The following DTWD2 variants were observed in gnomAD, a reference collection of about 807,000 sequenced individuals.
DTWD2 encodes DTW motif tRNA-uridine aminocarboxypropyltransferase 2.
Under a neutral mutation model 31.8 loss-of-function variants are expected in DTWD2, and 39 were observed. The observed-to-expected ratio is 1.22, with a 90% CI of 0.95 to 1.60. DTWD2 has a LOEUF of 1.60. Among genes scored for constraint, DTWD2 ranks in the 40% most tolerant of loss-of-function variants. DTWD2 has a pLI of 0.00. For missense variants in DTWD2, 515 were observed against 381.5 expected, an observed-to-expected ratio of 1.35 and a Z score of -2.92; for synonymous variants, 180 against 142.8, an observed-to-expected ratio of 1.26 and a Z score of -1.86.
At chr5:118,851,634 G>A (rs934694020) in intron 4 of DTWD2, among the ~76,000 whole-genome samples, 8 of 137,302 alleles carry the variant, frequency 5.8e-5, no homozygotes, top group Admixed American at 1.7e-4. Context: ...AACAGCGTTC[G>A]ACAATGAGAA....
chr5:118,865,567 G>C (rs1291917725), intron 4 of DTWD2, among the ~76,000 whole-genome samples: 1 of 152,096 alleles, frequency 6.6e-6, no homozygotes, highest in Non-Finnish European at 1.5e-5. Context: ...AACTTCCTTT[G>C]AAGTTAATGT....
chr5:118,955,603 T>C (rs1007286186), intron 1 of DTWD2, among the ~76,000 whole-genome samples: 1 of 152,206 alleles, frequency 6.6e-6, no homozygotes, highest in African/African-American at 2.4e-5. Context: ...CCTACCCTCA[T>C]GGAGCTTATT....
At chr5:118,863,359 C>A (rs1752310707) in intron 4 of DTWD2, among the ~76,000 whole-genome samples, 1 of 152,148 alleles carries the variant, frequency 6.6e-6, no homozygotes, top group African/African-American at 2.4e-5. Flanking sequence ...TGCATTCTAT[C>A]TTAAATTAAT....
Position 118,939,309 on chromosome 5 carries a change from T to A in DTWD2, c.310-19A>T. On this transcript the variant is annotated intron_variant, in intron 2 of 5. Transcript: ENST00000510708. ...TGTTTTCCTTTAATTAAAAAATGAA[T>A]TGAAACATAGATTTTTACTTAGATA... 1.3e-6 allele frequency: 2 copies of A among 1,543,844 alleles called. No homozygotes were observed. Among genetic ancestry groups the A allele is most frequent in the Non-Finnish European group, 1.7e-6 (2 of 1,144,136 alleles).
intron 4 of DTWD2, among the ~76,000 whole-genome samples, chr5:118,852,732 ATC>A (rs1752039794): frequency 2.1e-5 from 3 of 140,084 alleles, no homozygotes; most frequent in Non-Finnish European, 3.2e-5. Context: ...ATATATATAT[ATC>A]TAAAGGAATA....
At chr5:118,972,029 C>G (rs915350173) in intron 1 of DTWD2, among the ~76,000 whole-genome samples, 1 of 152,052 alleles carries the variant, frequency 6.6e-6, no homozygotes, top group Non-Finnish European at 1.5e-5. Flanking sequence ...AGTAAGATCT[C>G]AAATCAACAA....
At chr5:118,898,496 GAA>G (rs770013888) in intron 4 of DTWD2, among the ~76,000 whole-genome samples, 2 of 141,452 alleles carry the variant, frequency 1.4e-5, no homozygotes, top group African/African-American at 2.6e-5. Flanking sequence ...CGTCGCTACT[GAA>G]AAAAAAAAAA....
intron 5 of DTWD2, 91 bp downstream of exon 5, chr5:118,847,999 G>A (rs1751899124): frequency 6.8e-6 from 9 of 1,321,472 alleles, no homozygotes; most frequent in Non-Finnish European, 8.0e-6. Flanking sequence ...CTTGTCACAT[G>A]AGTTACAAAT....
chr5:118,880,646 C>T (rs924007091), intron 4 of DTWD2, among the ~76,000 whole-genome samples: 4 of 152,022 alleles, frequency 2.6e-5, no homozygotes, highest in African/African-American at 9.7e-5. Flanking sequence ...AAAGTGTATT[C>T]ATTATTCTGA....
At chr5:118,978,858 T>C (rs1043775481) in intron 1 of DTWD2, among the ~76,000 whole-genome samples, 1 of 151,414 alleles carries the variant, frequency 6.6e-6, no homozygotes, top group African/African-American at 2.4e-5. Flanking sequence ...ATAAAAAAAT[T>C]AGCTGGGCAT....
intron 1 of DTWD2, among the ~76,000 whole-genome samples, chr5:118,966,468 G>C (rs942859974): frequency 6.6e-6 from 1 of 152,102 alleles, no homozygotes; most frequent in African/African-American, 2.4e-5. Context: ...TCACCTCAAA[G>C]TTACTCCAAC....
chr5:118,987,268 C>G (rs559064257), intron 1 of DTWD2, among the ~76,000 whole-genome samples: 1 of 152,296 alleles, frequency 6.6e-6, no homozygotes, highest in East Asian at 1.9e-4. Flanking sequence ...TTTCCATCCT[C>G]CTCAGAGGTT....
chr5:118,947,985 T>A (rs1048009560), intron 1 of DTWD2, among the ~76,000 whole-genome samples: 1 of 152,200 alleles, frequency 6.6e-6, no homozygotes. Flanking sequence ...AAATGTTGCA[T>A]AACACATTTG....
chr5:118,984,157 T>C (rs1755369069), intron 1 of DTWD2, among the ~76,000 whole-genome samples: 1 of 152,040 alleles, frequency 6.6e-6, no homozygotes, highest in African/African-American at 2.4e-5. Flanking sequence ...GTGGTGGTGA[T>C]GCATGCCTGT....
At chr5:118,856,936 T>G (rs548670598) in intron 4 of DTWD2, among the ~76,000 whole-genome samples, 1 of 151,540 alleles carries the variant, frequency 6.6e-6, no homozygotes, top group East Asian at 1.9e-4. Flanking sequence ...CCACGCCCAA[T>G]TAATTTTTTT....
intron 4 of DTWD2, among the ~76,000 whole-genome samples, chr5:118,853,375 C>A (rs1752057591): frequency 6.6e-6 from 1 of 152,170 alleles, no homozygotes; most frequent in Admixed American, 6.5e-5. Context: ...AACCACCATT[C>A]AGCTCAGCAA....
At chr5:118,910,429 G>A (rs374510199) in intron 4 of DTWD2, among the ~76,000 whole-genome samples, 2 of 152,214 alleles carry the variant, frequency 1.3e-5, no homozygotes, top group South Asian at 4.2e-4. Flanking sequence ...ATTTCCATCT[G>A]AGACCTCATC....
At chr5:118,958,831 AAG>A (rs1370181433) in intron 1 of DTWD2, among the ~76,000 whole-genome samples, 1 of 152,194 alleles carries the variant, frequency 6.6e-6, no homozygotes, top group Non-Finnish European at 1.5e-5. Flanking sequence ...TCATCACACA[AAG>A]AGAACAACAA....
At chr5:118,945,556 A>G (rs1046784878) in intron 1 of DTWD2, among the ~76,000 whole-genome samples, 4 of 152,092 alleles carry the variant, frequency 2.6e-5, no homozygotes, top group Non-Finnish European at 5.9e-5. Context: ...CCTGAGGTCA[A>G]GAGTTCAAGA....
Sources: gnomAD v4.1 joint callset for allele counts (sites outside exome capture counted in the v4.1 genomes callset) on GRCh38, gnomAD v4.1.1 for gene constraint, MANE v1.5 for transcripts, NCBI Gene and HGNC (gene_info 2026-07-23, HGNC 2026-07-21) for gene names.